EVPL: variants seen among roughly 807,000 people sequenced by gnomAD.
EVPL encodes the protein 210 kDa cornified envelope precursor protein.
A neutral mutation model predicts 129.7 loss-of-function variants in EVPL; 94 were observed. That is an observed-to-expected ratio of 0.72 (90% CI 0.61 to 0.86). EVPL has a LOEUF of 0.86. EVPL is among the 40% of genes least tolerant of loss of function. The pLI, the probability that EVPL is intolerant of heterozygous loss-of-function variation, is 0.00. For missense variants in EVPL, 2,625 were observed against 2,721.1 expected (o/e 0.96, Z 0.79); for synonymous variants, 1,172 against 1,191.1 (o/e 0.98, Z 0.33).
Position 76,008,891 on chromosome 17 carries a change from C to T in EVPL, c.4314G>A (p.Glu1438=). ...GGATCCTCAAGGTCAGCTGCCGCAGCTCCCTCTCCACGGCCAGCTTCTTGC... is the reference window on the plus strand; with the variant it reads ...GGATCCTCAAGGTCAGCTGCCGCAGTTCCCTCTCCACGGCCAGCTTCTTGC... The part of the protein sequence containing the change: ...DRSKKLAVER[E]LRQLTLRIQE... The change falls in exon 22 of 22, where the codon GAG becomes GAA. Residue 1438 remains glutamate (E), a synonymous_variant. Coordinates refer to ENST00000301607, the MANE Select transcript of EVPL (RefSeq NM_001988.4). The surrounding 1 kb of genome is among the most constrained non-coding windows in gnomAD (Gnocchi z 7.4). 1 of 1,613,914 alleles carries T rather than the reference C, an allele frequency of 6.2e-7. No homozygotes were observed.
intron 8 of EVPL, 43 bp from the exon 9 acceptor site, chr17:76,021,606 C>CCCGG: frequency 2.2e-6 from 3 of 1,336,496 alleles, no homozygotes; most frequent in Non-Finnish European, 3.0e-6. Context: ...GCCCCCCCCA[C>CCCGG]GTCCGCCCCA....
At chr17:76,016,978 C>T (rs1255546523) in intron 14 of EVPL, among the ~76,000 whole-genome samples, 1 of 151,678 alleles carries the variant, frequency 6.6e-6, no homozygotes, top group African/African-American at 2.4e-5. Flanking sequence ...TCTGGGAGGC[C>T]GAGATGGGTG....
At position 76,027,109 on chromosome 17, in the gene EVPL, C is replaced by T. The variant is rs758956340; in HGVS notation, c.90G>A (p.Arg30=). The stretch of plus-strand genomic sequence containing the variant: ...CCCCCAGTCCCACTTACCGGCTGTG[C>T]CTGCTGGGGGAGCCTTTGGGGGACC... ...AKGSPKGSPS[R]HSRAATQELA... is the part of the protein sequence containing the mutation. The change falls in exon 1 of 22, where the codon AGG becomes AGA. Residue 30 remains arginine, a synonymous_variant. Transcript: ENST00000301607. 76 of 1,489,062 alleles carry T rather than the reference C, an allele frequency of 5.1e-5. No individual in the cohort carries two copies. Among genetic ancestry groups the T allele is most frequent in the Non-Finnish European group, 6.6e-5 (74 of 1,114,308 alleles). The allele number at this position is 1,489,062 out of a possible 1,614,324, so 92.2% of individuals were successfully genotyped here. A position where few individuals can be genotyped will look rare whatever the true frequency, so the allele number is the denominator to read the frequency against.
rs141018097 is a variant in EVPL at position 76,020,495 on chromosome 17, T to A, written c.1012-842A>T. The stretch of plus-strand genomic sequence containing the variant: ...CTGTGCTTTAAAGAAGCATTCCAGG[T>A]GCTTTGACGGAATTTTTGTCAACGT... On this transcript the variant is annotated intron_variant, in intron 9 of 21. Coordinates refer to ENST00000301607, the MANE Select transcript of EVPL (RefSeq NM_001988.4). Among the ~76,000 whole-genome samples, 308 of 152,318 alleles carry A rather than the reference T, an allele frequency of 2.0e-3. 2 individuals are homozygous for A. Among genetic ancestry groups the A allele is most frequent in the African/African-American group, 7.0e-3 (289 of 41,556 alleles).
Position 76,024,360 on chromosome 17 carries a change from AG to A in EVPL, c.99-241del, listed in dbSNP as rs2066484957. 6.8e-6 allele frequency among the ~76,000 whole-genome samples: 1 copy of A among 146,722 alleles called. No individual in the cohort carries two copies. Among genetic ancestry groups the A allele is most frequent in the African/African-American group, 2.4e-5 (1 of 40,930 alleles). ...GTCTCAGGTTTGTGTGGTGCTGGGG[AG>A]GGGGCAGGCGGCCTCGGTGTCCCAG... On this transcript the variant is annotated intron_variant, in intron 1 of 21. Coordinates refer to ENST00000301607, the MANE Select transcript of EVPL (RefSeq NM_001988.4). The surrounding 1 kb of genome is among the most constrained non-coding windows in gnomAD (Gnocchi z 4.5).
chr17:76,010,629 G>T, intron 21 of EVPL, 86 bp from the exon 22 acceptor site: 1 of 1,410,820 alleles, frequency 7.1e-7, no homozygotes, highest in Non-Finnish European at 9.4e-7. Flanking sequence ...ACCCCTCCCT[G>T]TTTCCTGAGA....
rs757717285 is a variant in EVPL, at chr17:76,007,394, C to T, written c.5811G>A (p.Val1937=). The change falls in exon 22 of 22, where the codon GTG becomes GTA. Residue 1937 remains valine, a synonymous_variant. Coordinates refer to ENST00000301607, the MANE Select transcript of EVPL (RefSeq NM_001988.4). This position sits in a 1 kb window ranked among gnomAD's most constrained non-coding sequence, Gnocchi z 8.8. ...PRESVLPHLQ[V]QHLTGGLIDP... is the part of the protein sequence containing the mutation. The stretch of plus-strand genomic sequence containing the variant: ...CGATGAGCCCCCCGGTCAGGTGCTG[C>T]ACCTGCAGGTGTGGGAGCACGCTCT... 3.1e-6 allele frequency: 5 copies of T among 1,602,188 alleles called. No individual in the cohort carries two copies. The highest frequency in any genetic ancestry group is 2.2e-5 in the East Asian group (1 of 44,614).
Position 76,022,629 on chromosome 17 carries a change from T to A in EVPL, c.481-91A>T, listed in dbSNP as rs2066470719. On this transcript the variant is annotated intron_variant, in intron 4 of 21. Transcript: ENST00000301607. This position sits in a 1 kb window ranked among gnomAD's most constrained non-coding sequence, Gnocchi z 5.6. ...CTCCCACCCGGAGAAGTGGACTTGG[T>A]CATTTGGGCAGAGCGTGGACGAGCC... The A allele has an allele frequency of 2.7e-6, 4 of 1,489,158 alleles. No individual in the cohort carries two copies. The highest frequency in any genetic ancestry group is 2.7e-6 in the Non-Finnish European group (3 of 1,116,790). The allele number at this position is 1,489,158 out of a possible 1,614,324, so 92.2% of individuals were successfully genotyped here. A position where few individuals can be genotyped will look rare whatever the true frequency, so the allele number is the denominator to read the frequency against.
rs2066320962 is a variant in EVPL at position 76,007,043 on chromosome 17, A to T, written c.*60T>A. 7.4e-7 allele frequency: 1 copy of T among 1,351,684 alleles called. No individual in the cohort carries two copies. 83.7% of individuals were successfully genotyped at this position (1,351,684 alleles called of 1,614,324 possible). On this transcript the variant is annotated 3_prime_UTR_variant, in exon 22 of 22. Transcript: ENST00000301607. The surrounding 1 kb of genome is among the most constrained non-coding windows in gnomAD (Gnocchi z 8.8). ...TGGGATGAGGCTGCTCTGAGGCAAGAGGTGTACGTATCCTACCTGGCCCAA... is the reference window on the plus strand; with the variant it reads ...TGGGATGAGGCTGCTCTGAGGCAAGTGGTGTACGTATCCTACCTGGCCCAA...
intron 13 of EVPL, 36 bp downstream of exon 13, chr17:76,018,125 C>A: frequency 6.5e-7 from 1 of 1,550,182 alleles, no homozygotes; most frequent in Non-Finnish European, 8.7e-7. Context: ...CTCCTTCTAG[C>A]CCCACAGCCA....
chr17:76,024,126 G>A lies in EVPL; in HGVS notation c.99-6C>T, dbSNP rs755859804. On this transcript the variant is annotated splice_region_variant and splice_polypyrimidine_tract_variant and intron_variant, in intron 1 of 21. Transcript: ENST00000301607. This position sits in a 1 kb window ranked among gnomAD's most constrained non-coding sequence, Gnocchi z 4.5. Reference sequence around the variant, plus strand: ...CCAGCTCCTGGGTGGCAGCCCTAGTGTGTGGAGGGGACAGCGGGTAGCTCG... The same window carrying A: ...CCAGCTCCTGGGTGGCAGCCCTAGTATGTGGAGGGGACAGCGGGTAGCTCG... 1.5e-5 allele frequency: 24 copies of A among 1,612,854 alleles called. No individual in the cohort carries two copies. In the Admixed American group the frequency reaches 3.2e-4, roughly 21 times the overall value.
intron 1 of EVPL, among the ~76,000 whole-genome samples, chr17:76,026,291 C>T (rs149119489): frequency 6.7e-6 from 1 of 148,252 alleles, no homozygotes; most frequent in East Asian, 2.0e-4. Context: ...GTCACCCAGG[C>T]GGGAGCGCAG....
chr17:76,014,007 C>T (rs898472683), intron 18 of EVPL, among the ~76,000 whole-genome samples: 1 of 152,172 alleles, frequency 6.6e-6, no homozygotes, highest in African/African-American at 2.4e-5. Flanking sequence ...CTTCCTCCCA[C>T]ACTACCGATC....
chr17:76,019,063 G>A lies in EVPL; in HGVS notation c.1138-3C>T, dbSNP rs1164443677. 2.5e-6 allele frequency: 4 copies of A among 1,574,986 alleles called. No individual in the cohort carries two copies. The highest frequency in any genetic ancestry group is 1.4e-5 in the African/African-American group (1 of 72,132). ...ACGGCCAGCCGTTTTTCCTCTGCCT[G>A]CCGGGGGCCCAGGCAGTGGGGGACT... On this transcript the variant is annotated splice_region_variant and splice_polypyrimidine_tract_variant and intron_variant, in intron 10 of 21. Coordinates refer to ENST00000301607, the MANE Select transcript of EVPL (RefSeq NM_001988.4).
rs543261978 is a variant in EVPL at position 76,025,803 on chromosome 17, G to A, written c.98+1298C>T. Among the ~76,000 whole-genome samples, 3 of 152,328 alleles carry A rather than the reference G, an allele frequency of 2.0e-5. No individual in the cohort carries two copies. In the South Asian group the frequency reaches 6.2e-4, roughly 32 times the overall value. ...ACCCAGGCGGGCTGCTGCCTCCTCT[G>A]CAGACGAGCTGAAGCCAGTGAGTGG... On this transcript the variant is annotated intron_variant, in intron 1 of 21. Transcript: ENST00000301607.
At chr17:76,012,615 G>A (rs986032528) in intron 18 of EVPL, among the ~76,000 whole-genome samples, 3 of 151,816 alleles carry the variant, frequency 2.0e-5, no homozygotes, top group Admixed American at 1.3e-4. Context: ...TCAGAGTTCC[G>A]TTCTAGCACA....
chr17:76,007,643 A>G lies in EVPL; in HGVS notation c.5562T>C (p.Thr1854=). 1 of 1,613,816 alleles carries G rather than the reference A, an allele frequency of 6.2e-7. No individual in the cohort carries two copies. Among genetic ancestry groups the G allele is most frequent in the Non-Finnish European group, 8.5e-7 (1 of 1,180,028 alleles). The stretch of plus-strand genomic sequence containing the variant: ...CCTGGGCCTCCAGTAGCTTCTGCCC[A>G]GTGATGGGGTCCAGCATGTTCTTGG... ...AVAKNMLDPI[T]GQKLLEAQAA... is the part of the protein sequence containing the mutation. The change falls in exon 22 of 22, where the codon ACT becomes ACC. Residue 1854 remains threonine, a synonymous_variant. Coordinates refer to ENST00000301607, the MANE Select transcript of EVPL (RefSeq NM_001988.4). This position sits in a 1 kb window ranked among gnomAD's most constrained non-coding sequence, Gnocchi z 8.8.
chr17:76,008,309 G>T lies in EVPL; in HGVS notation c.4896C>A (p.Ala1632=). 15 of 1,609,130 alleles carry T rather than the reference G, an allele frequency of 9.3e-6. No homozygotes were observed. Among genetic ancestry groups the T allele is most frequent in the Non-Finnish European group, 1.3e-5 (15 of 1,179,932 alleles). Reference sequence around the variant, plus strand: ...GCCGCGAGAGCTCCTGGCCCCGCTGGGCCGCCTTCTGTCGCTCGCTCTCCG... The same window carrying T: ...GCCGCGAGAGCTCCTGGCCCCGCTGTGCCGCCTTCTGTCGCTCGCTCTCCG... The part of the protein sequence containing the change: ...QKTESERQKA[A]QRGQELSRLE... The change falls in exon 22 of 22, where the codon GCC becomes GCA. Residue 1632 remains alanine, a synonymous_variant. Coordinates refer to ENST00000301607, the MANE Select transcript of EVPL (RefSeq NM_001988.4). The surrounding 1 kb of genome is among the most constrained non-coding windows in gnomAD (Gnocchi z 7.4).
At position 76,008,535 on chromosome 17, in the gene EVPL, GCCT is replaced by G; in HGVS notation, c.4667_4669del (p.Glu1556del). On this transcript the variant is annotated inframe_deletion, in exon 22 of 22. Transcript: ENST00000301607. The surrounding 1 kb of genome is among the most constrained non-coding windows in gnomAD (Gnocchi z 7.4). ...GTCAATGCGCTCCCGCAGGCGCCGTGCCTCCTCCTCCCGGGCCTGCCGGGCCGT... is the reference window on the plus strand; with the variant it reads ...GTCAATGCGCTCCCGCAGGCGCCGTGCCTCCTCCCGGGCCTGCCGGGCCGT... 6.2e-7 allele frequency: 1 copy of G among 1,607,392 alleles called. No individual in the cohort carries two copies. Among genetic ancestry groups the G allele is most frequent in the Non-Finnish European group, 8.5e-7 (1 of 1,179,502 alleles).
Sources: allele counts gnomAD v4.1 joint callset (sites outside exome capture counted in the v4.1 genomes callset), GRCh38; gene constraint gnomAD v4.1.1; non-coding constraint Gnocchi (gnomAD v3.1); transcripts MANE v1.5; gene names NCBI Gene and HGNC (gene_info 2026-07-23, HGNC 2026-07-21).